Variants in DEPDC5 observed in about 807,000 individuals in gnomAD.
The protein encoded by DEPDC5 is DEP domain containing 5, GATOR1 subcomplex subunit, also known as GATOR1 complex protein DEPDC5.
In DEPDC5, 73 loss-of-function variants were observed where a neutral mutation model predicts 217.3. The ratio of observed to expected loss-of-function variants is 0.34; its 90% CI spans 0.28 to 0.41. The LOEUF (loss-of-function observed/expected upper bound fraction) is 0.41. Ranked by LOEUF, DEPDC5 falls within the 10% of genes least tolerant of loss-of-function variation. The pLI is 1.00. For synonymous variants in DEPDC5, 733 were observed against 756.7 expected, an observed-to-expected ratio of 0.97 and a Z score of 0.51; for missense variants, 1,675 against 2,070.1, an observed-to-expected ratio of 0.81 and a Z score of 3.70.
chr22:31,864,641 G>C (rs943466127), intron 33 of DEPDC5, among the ~76,000 whole-genome samples: 2 of 151,388 alleles, frequency 1.3e-5, no homozygotes, highest in Non-Finnish European at 2.9e-5. Context: ...TCAGTCATGC[G>C]TGGTGGCTCA....
intron 41 of DEPDC5, 77 bp downstream of exon 41, chr22:31,901,879 C>G: frequency 5.8e-6 from 8 of 1,385,616 alleles, no homozygotes; most frequent in Non-Finnish European, 8.1e-6. Flanking sequence ...AAGTGAAACT[C>G]ATTTTTTTAG....
At chr22:31,861,468 C>T (rs1160509692) in intron 33 of DEPDC5, 35 bp downstream of exon 33, 2 of 1,546,516 alleles carry the variant, frequency 1.3e-6, no homozygotes, top group South Asian at 2.4e-5. Context: ...ATGCCTGTCC[C>T]ACTGGCAGAC....
intron 7 of DEPDC5, among the ~76,000 whole-genome samples, chr22:31,770,208 C>G (rs1430009971): frequency 6.6e-6 from 1 of 151,518 alleles, no homozygotes; most frequent in Non-Finnish European, 1.5e-5. Flanking sequence ...GCACTGCAGC[C>G]TGGGTGACAG....
At chr22:31,805,997 A>G in intron 17 of DEPDC5, 125 bp from the exon 18 acceptor site, 1 of 733,340 alleles carries the variant, frequency 1.4e-6, no homozygotes, top group Non-Finnish European at 2.3e-6. Context: ...AAAATTGGGA[A>G]GATTAGTGAA....
intron 28 of DEPDC5, 81 bp from the exon 29 acceptor site, chr22:31,843,564 T>A: frequency 6.7e-7 from 1 of 1,503,478 alleles, no homozygotes; most frequent in Non-Finnish European, 9.1e-7. Flanking sequence ...TGGTTCTAAG[T>A]GTATAGAGAT....
intron 30 of DEPDC5, 92 bp downstream of exon 30, chr22:31,845,329 T>C: frequency 6.9e-7 from 1 of 1,450,668 alleles, no homozygotes; most frequent in Non-Finnish European, 9.4e-7. Context: ...TCAGCCTACT[T>C]ATTTACTCCT....
intron 8 of DEPDC5, among the ~76,000 whole-genome samples, chr22:31,780,545 A>C (rs183177338): frequency 1.4e-4 from 21 of 152,192 alleles, no homozygotes; most frequent in Admixed American, 1.0e-3. Flanking sequence ...CCAACATGCC[A>C]CCTTCTCTCT....
Position 31,824,734 on chromosome 22 carries a change from A to T in DEPDC5, c.2104+1944A>T, listed in dbSNP as rs373943946. ...TGTAATCCCAGCACGTTGGGAGACC[A>T]AGGCGGGTGGATCACGAGGTCAGGA... On this transcript the variant is annotated intron_variant, in intron 24 of 42. Transcript: ENST00000651528. Among the ~76,000 whole-genome samples the T allele has an allele frequency of 3.9e-5, 6 of 152,190 alleles. No homozygotes were observed. In the East Asian group the frequency reaches 7.8e-4, roughly 20 times the overall value.
In DEPDC5 at chr22:31,804,923, C is replaced by A. The variant is rs754150372; in HGVS notation, c.1217+8C>A. The A allele has an allele frequency of 4.3e-6, 7 of 1,610,862 alleles. No individual in the cohort carries two copies. Among genetic ancestry groups the A allele is most frequent in the Admixed American group, 3.4e-5 (2 of 59,520 alleles). On this transcript the variant is annotated splice_region_variant and intron_variant, in intron 17 of 42. Coordinates refer to ENST00000651528, the MANE Select transcript of DEPDC5 (RefSeq NM_001242896.3). Reference sequence around the variant, plus strand: ...TCACTGGATAAACCACAGGTGGGTGCGATCTCGATCAATAGTAGGTGATAA... The same window carrying A: ...TCACTGGATAAACCACAGGTGGGTGAGATCTCGATCAATAGTAGGTGATAA...
intron 37 of DEPDC5, 96 bp from the exon 38 acceptor site, chr22:31,879,429 T>TA (rs2093112492): frequency 8.6e-7 from 1 of 1,162,926 alleles, no homozygotes; most frequent in Non-Finnish European, 1.2e-6. Context: ...TTCTTTTACT[T>TA]AGCGTGTTTT....
intron 33 of DEPDC5, among the ~76,000 whole-genome samples, chr22:31,868,562 G>A (rs1372321755): frequency 6.6e-6 from 1 of 152,140 alleles, no homozygotes; most frequent in African/African-American, 2.4e-5. Flanking sequence ...AAGTAGCTGG[G>A]ACTACAGGCG....
chr22:31,789,333 A>G (rs538764837), intron 10 of DEPDC5, among the ~76,000 whole-genome samples: 1 of 152,374 alleles, frequency 6.6e-6, no homozygotes, highest in African/African-American at 2.4e-5. Flanking sequence ...AACACATGCT[A>G]CAGCATAGAT....
rs951824355 is a variant in DEPDC5, at chr22:31,763,003, T to A, written c.194-1972T>A. ...CTAATTTTTATATTTATATTTTTAT[T>A]TTTTTGAGATGGAGTCTCACTCTGT... On this transcript the variant is annotated intron_variant, in intron 4 of 42. Transcript: ENST00000651528. Among the ~76,000 whole-genome samples the A allele has an allele frequency of 2.0e-5, 3 of 151,522 alleles. No homozygotes were observed. In the South Asian group the frequency reaches 6.3e-4, roughly 32 times the overall value.
chr22:31,874,072 C>T (rs1322023351), intron 35 of DEPDC5: 3 of 710,888 alleles, frequency 4.2e-6, no homozygotes, highest in South Asian at 2.1e-5. Context: ...GGATTACAGG[C>T]GTGAGCGACC....
At chr22:31,880,595 C>T (rs927630373) in intron 38 of DEPDC5, among the ~76,000 whole-genome samples, 5 of 152,220 alleles carry the variant, frequency 3.3e-5, no homozygotes, top group African/African-American at 1.2e-4. Flanking sequence ...AGATGTTAAT[C>T]GTCATCAAAG....
chr22:31,844,811 T>A, intron 29 of DEPDC5: 1 of 415,264 alleles, frequency 2.4e-6, no homozygotes, highest in Non-Finnish European at 4.3e-6. Flanking sequence ...TGCCTCGGCC[T>A]CCCAAAGTGC....
chr22:31,797,323 G>A (rs1487613899), intron 12 of DEPDC5, among the ~76,000 whole-genome samples: 4 of 152,144 alleles, frequency 2.6e-5, no homozygotes, highest in Non-Finnish European at 5.9e-5. Flanking sequence ...AATCCTGGTG[G>A]AAGGCGAAGG....
chr22:31,864,513 T>TAC (rs1274819068), intron 33 of DEPDC5, among the ~76,000 whole-genome samples: 1 of 139,616 alleles, frequency 7.2e-6, no homozygotes, highest in East Asian at 2.0e-4. Flanking sequence ...TATATATATA[T>TAC]ATATATATAT....
intron 41 of DEPDC5, 152 bp from the exon 42 acceptor site, chr22:31,905,832 C>G: frequency 1.4e-6 from 1 of 693,078 alleles, no homozygotes; most frequent in Non-Finnish European, 2.4e-6. Context: ...AGGGTGAGGA[C>G]AAAAATAAGC....
Sources: gnomAD v4.1 joint callset for allele counts (sites outside exome capture counted in the v4.1 genomes callset) on GRCh38, gnomAD v4.1.1 for gene constraint, MANE v1.5 for transcripts, NCBI Gene and HGNC (gene_info 2026-07-23, HGNC 2026-07-21) for gene names.